Variants in PTPRM observed in about 807,000 individuals in gnomAD.
PTPRM encodes receptor-type tyrosine-protein phosphatase mu.
In PTPRM, 47 loss-of-function variants were observed where a neutral mutation model predicts 186.7. The observed-to-expected ratio is 0.25, with a 90% CI of 0.20 to 0.32. PTPRM has a LOEUF of 0.32. PTPRM is among the 10% of genes least tolerant of loss of function. The probability of loss-of-function intolerance (pLI) is 1.00; values close to 1 mark genes in which losing one functional copy is unlikely to be tolerated. For synonymous variants in PTPRM, 668 were observed against 674.9 expected, an observed-to-expected ratio of 0.99 and a Z score of 0.16; for missense variants, 1,494 against 1,865.0, an observed-to-expected ratio of 0.80 and a Z score of 3.66.
At chr18:8,026,644 G>A (rs935708399) in intron 7 of PTPRM, among the ~76,000 whole-genome samples, 3 of 152,124 alleles carry the variant, frequency 2.0e-5, no homozygotes, top group African/African-American at 7.2e-5. Flanking sequence ...ATCACTTGAG[G>A]TCAGGAGTTC....
intron 14 of PTPRM, among the ~76,000 whole-genome samples, chr18:8,213,636 A>G (rs949773955): frequency 2.0e-5 from 3 of 152,188 alleles, no homozygotes; most frequent in Non-Finnish European, 2.9e-5. Context: ...TGAAGGGCAC[A>G]TGAAAGCTCT....
At chr18:7,599,484 G>A (rs574841112) in intron 1 of PTPRM, among the ~76,000 whole-genome samples, 1 of 152,268 alleles carries the variant, frequency 6.6e-6, no homozygotes, top group East Asian at 1.9e-4. Flanking sequence ...AGCTTTTGCT[G>A]GGTCCCTTGC....
rs139557123 is a variant in PTPRM at position 7,763,168 on chromosome 18, A to C, written c.74-10981A>C. Among the ~76,000 whole-genome samples, 322 of 152,314 alleles carry C rather than the reference A, an allele frequency of 2.1e-3. 2 individuals carry two copies. Among genetic ancestry groups the C allele is most frequent in the African/African-American group, 7.5e-3 (311 of 41,568 alleles). ...TGGATTGCTGTTTATGCATTTGAGC[A>C]TAGGATTAGATTGGTGATTTGGATT... On this transcript the variant is annotated intron_variant, in intron 1 of 32. Coordinates refer to ENST00000580170, the MANE Select transcript of PTPRM (RefSeq NM_001105244.2).
At chr18:7,571,661 C>T (rs896912104) in intron 1 of PTPRM, among the ~76,000 whole-genome samples, 6 of 152,066 alleles carry the variant, frequency 3.9e-5, no homozygotes, top group African/African-American at 1.2e-4. Context: ...ATTTGGGACT[C>T]GTGGAGAAAT....
At chr18:7,842,947 T>TATATAGAGAGAGAGAGAG (rs370746043) in intron 2 of PTPRM, among the ~76,000 whole-genome samples, 65 of 112,106 alleles carry the variant, frequency 5.8e-4, no homozygotes, top group East Asian at 5.3e-3. Flanking sequence ...TATATATATA[T>TATATAGAGAGAGAGAGAG]AGAGAGAGAG....
chr18:7,956,605 C>A (rs1036999082), intron 7 of PTPRM, among the ~76,000 whole-genome samples: 1 of 152,158 alleles, frequency 6.6e-6, no homozygotes, highest in Non-Finnish European at 1.5e-5. Flanking sequence ...CCTCGTGGCA[C>A]CTTTGTGCAG....
chr18:8,406,239 T>C lies in PTPRM; in HGVS notation c.*77T>C, dbSNP rs149248694. The C allele has an allele frequency of 7.5e-7, 1 of 1,341,562 alleles. No individual in the cohort carries two copies. The highest frequency in any genetic ancestry group is 1.8e-4 in the Middle Eastern group (1 of 5,412). The allele number at this position is 1,341,562 out of a possible 1,614,324, so 83.1% of individuals were successfully genotyped here. On this transcript the variant is annotated 3_prime_UTR_variant, in exon 33 of 33. Coordinates refer to ENST00000580170, the MANE Select transcript of PTPRM (RefSeq NM_001105244.2). ...TTCCATGGTATTTGTGCAAAAGAGA[T>C]GAAGACTTCTCAATATGCTTATTTT... is the stretch of plus-strand genomic sequence containing the variant.
intron 1 of PTPRM, among the ~76,000 whole-genome samples, chr18:7,661,625 CA>C (rs1362941573): frequency 2.2e-4 from 33 of 152,188 alleles, no homozygotes; most frequent in African/African-American, 7.5e-4. Flanking sequence ...AAAAACCATC[CA>C]GGGGGATCAA....
At chr18:8,265,335 G>A (rs1375000693) in intron 19 of PTPRM, among the ~76,000 whole-genome samples, 2 of 152,202 alleles carry the variant, frequency 1.3e-5, no homozygotes, top group Admixed American at 1.3e-4. Context: ...CGCCATCCTG[G>A]CTCATCTGAC....
intron 23 of PTPRM, among the ~76,000 whole-genome samples, chr18:8,360,364 G>T (rs11665565): frequency 1.3e-5 from 2 of 151,878 alleles, no homozygotes; most frequent in African/African-American, 4.8e-5. Flanking sequence ...AAGGTGGAAC[G>T]GGTCTGGACA....
At chr18:7,915,341 A>C (rs2050492101) in intron 4 of PTPRM, among the ~76,000 whole-genome samples, 1 of 152,086 alleles carries the variant, frequency 6.6e-6, no homozygotes, top group Non-Finnish European at 1.5e-5. Context: ...TGGGCCTGTA[A>C]ATTTGGAGAG....
At chr18:7,714,310 T>A (rs2040276677) in intron 1 of PTPRM, among the ~76,000 whole-genome samples, 1 of 152,106 alleles carries the variant, frequency 6.6e-6, no homozygotes, top group African/African-American at 2.4e-5. Context: ...ATAAGTTCAT[T>A]GAAACCCAGG....
At chr18:8,277,948 A>C (rs949919940) in intron 19 of PTPRM, among the ~76,000 whole-genome samples, 3 of 152,260 alleles carry the variant, frequency 2.0e-5, no homozygotes, top group Non-Finnish European at 4.4e-5. Context: ...AGTGGGCTAG[A>C]AGAAAAAAAT....
chr18:7,740,454 TCTGTCACAGG>T (rs2040864030), intron 1 of PTPRM, among the ~76,000 whole-genome samples: 1 of 152,178 alleles, frequency 6.6e-6, no homozygotes, highest in Admixed American at 6.5e-5. Context: ...GGGATCTCGC[TCTGTCACAGG>T]CTGGATTGCA....
chr18:8,255,605 C>T (rs1255690572), intron 19 of PTPRM, among the ~76,000 whole-genome samples: 1 of 151,720 alleles, frequency 6.6e-6, no homozygotes, highest in Non-Finnish European at 1.5e-5. Context: ...ACTTTTAAAC[C>T]CTAAAGCCAT....
At chr18:7,889,244 A>G (rs1381111061) in intron 3 of PTPRM, among the ~76,000 whole-genome samples, 1 of 152,008 alleles carries the variant, frequency 6.6e-6, no homozygotes, top group African/African-American at 2.4e-5. Flanking sequence ...TATGCCTGGC[A>G]TGTATTGTTT....
At chr18:7,973,500 A>T (rs149027978) in intron 7 of PTPRM, among the ~76,000 whole-genome samples, 4 of 152,188 alleles carry the variant, frequency 2.6e-5, no homozygotes, top group African/African-American at 7.2e-5. Context: ...TATTCAGTAT[A>T]TTTCTTCCTC....
In PTPRM at chr18:7,926,830, T is replaced by G. The variant is rs150491684; in HGVS notation, c.663+147T>G. Reference sequence around the variant, plus strand: ...AGTAGCCAGATTACTTAGTAATCTATAAAAGCTAATTATTTTTGTTTAAAC... The same window carrying G: ...AGTAGCCAGATTACTTAGTAATCTAGAAAAGCTAATTATTTTTGTTTAAAC... On this transcript the variant is annotated intron_variant, in intron 5 of 32. Transcript: ENST00000580170. 8.4e-4 allele frequency: 403 copies of G among 478,636 alleles called. 2 individuals carry two copies. The highest frequency in any genetic ancestry group is 7.8e-3 in the African/African-American group (389 of 50,098). The allele number at this position is 478,636 out of a possible 1,614,324, so 29.6% of individuals were successfully genotyped here.
intron 7 of PTPRM, among the ~76,000 whole-genome samples, chr18:7,976,619 A>C (rs1024569175): frequency 6.6e-6 from 1 of 152,192 alleles, no homozygotes; most frequent in Admixed American, 6.5e-5. Flanking sequence ...TTTATGAAAA[A>C]AAAAGAGCCT....
Sources: gnomAD v4.1 joint callset for allele counts (sites outside exome capture counted in the v4.1 genomes callset) on GRCh38, gnomAD v4.1.1 for gene constraint, MANE v1.5 for transcripts, NCBI Gene and HGNC (gene_info 2026-07-23, HGNC 2026-07-21) for gene names.